The following GNAI1 variants were observed in gnomAD, a reference collection of about 807,000 sequenced individuals.
GNAI1 encodes the protein G protein subunit alpha i1.
A neutral mutation model predicts 38.9 loss-of-function variants in GNAI1; 11 were observed. The observed-to-expected ratio is 0.28, with a 90% CI of 0.18 to 0.47. The LOEUF (loss-of-function observed/expected upper bound fraction) is 0.47. Ranked by LOEUF, GNAI1 falls within the 20% of genes least tolerant of loss-of-function variation. GNAI1 has a pLI of 0.99. For synonymous variants in GNAI1, 166 were observed against 145.1 expected, an observed-to-expected ratio of 1.14 and a Z score of -1.04; for missense variants, 317 against 436.9, an observed-to-expected ratio of 0.73 and a Z score of 2.45.
chr7:80,223,154 T>C lies in GNAI1; in HGVS notation c.*5661T>C, dbSNP rs1354251936. On this transcript the variant is annotated 3_prime_UTR_variant, in exon 8 of 8. Coordinates refer to ENST00000649796, the MANE Select transcript of GNAI1 (RefSeq NM_002069.6). ...AATTGTTAAGTTGGACCATCATACG[T>C]TGGGGACCATCTGTACATAGAGTAG... 1.3e-5 allele frequency among the ~76,000 whole-genome samples: 2 copies of C among 152,190 alleles called. No homozygotes were observed. The highest frequency in any genetic ancestry group is 2.9e-5 in the Non-Finnish European group (2 of 68,022).
rs1283536547 is a variant in GNAI1, at chr7:80,189,215, G to A, written c.287G>A (p.Gly96Asp). 6 of 1,610,304 alleles carry A rather than the reference G, an allele frequency of 3.7e-6. No homozygotes were observed. The East Asian group carries it at 8.9e-5, about 24-fold the overall frequency. ...ATGGGGAGGTTGAAGATAGACTTTG[G>A]TGACTCAGCCCGGGCGGTAAGTTAT... Reference protein sequence around the residue: ...RAMGRLKIDFGDSARADDARQ... With the variant: ...RAMGRLKIDFDDSARADDARQ... The change falls in exon 3 of 8, where the codon GGT becomes GAT. Residue 96 changes from glycine to aspartate, a missense_variant. By Grantham distance (94) the Gly-to-Asp change is moderately conservative (BLOSUM62 -1). This residue lies in a region of GNAI1 where 67 missense variants were observed against 61.5 expected (regional missense o/e 1.09). Transcript: ENST00000649796.
chr7:80,206,018 T>G (rs1017398407), intron 5 of GNAI1, among the ~76,000 whole-genome samples: 5 of 152,054 alleles, frequency 3.3e-5, no homozygotes, highest in African/African-American at 1.2e-4. Flanking sequence ...AAAAAATAAT[T>G]ATCAGTTCAT....
intron 1 of GNAI1, among the ~76,000 whole-genome samples, chr7:80,150,574 G>T (rs1323826782): frequency 2.6e-5 from 4 of 152,186 alleles, no homozygotes; most frequent in Non-Finnish European, 1.5e-5. Context: ...AATTCAGAGT[G>T]CTGGTTACTT....
chr7:80,140,448 G>C (rs1787507031), intron 1 of GNAI1, among the ~76,000 whole-genome samples: 1 of 152,158 alleles, frequency 6.6e-6, no homozygotes, highest in Admixed American at 6.5e-5. Context: ...TTTTTATTTT[G>C]TTACACATGT....
At chr7:80,151,348 A>G (rs562366336) in intron 1 of GNAI1, among the ~76,000 whole-genome samples, 9 of 152,326 alleles carry the variant, frequency 5.9e-5, no homozygotes, top group African/African-American at 2.2e-4. Context: ...CAAAACTATG[A>G]AAACATATAA....
At chr7:80,196,407 C>A (rs773495731) in intron 3 of GNAI1, among the ~76,000 whole-genome samples, 2 of 151,986 alleles carry the variant, frequency 1.3e-5, no homozygotes, top group Non-Finnish European at 2.9e-5. Flanking sequence ...AATCCCTATT[C>A]TTTTTCTACT....
At chr7:80,178,329 G>A (rs1788227885) in intron 1 of GNAI1, among the ~76,000 whole-genome samples, 1 of 152,206 alleles carries the variant, frequency 6.6e-6, no homozygotes, top group Non-Finnish European at 1.5e-5. Context: ...TAAAGCAGTG[G>A]CAGGGTTTTA....
intron 1 of GNAI1, among the ~76,000 whole-genome samples, chr7:80,144,537 C>A (rs1485440795): frequency 6.6e-6 from 1 of 152,162 alleles, no homozygotes. Flanking sequence ...TTAAGACTTA[C>A]ATCTTCAGTT....
chr7:80,160,358 C>A (rs559588018), intron 1 of GNAI1, among the ~76,000 whole-genome samples: 3 of 151,346 alleles, frequency 2.0e-5, no homozygotes, highest in African/African-American at 7.3e-5. Context: ...TTTAATAACT[C>A]GTTTGTGTTT....
intron 1 of GNAI1, among the ~76,000 whole-genome samples, chr7:80,180,531 G>T (rs1008103288): frequency 6.6e-6 from 1 of 152,068 alleles, no homozygotes; most frequent in Non-Finnish European, 1.5e-5. Context: ...GCAGCATGCA[G>T]TGTTTATTTG....
intron 3 of GNAI1, among the ~76,000 whole-genome samples, chr7:80,192,918 C>T (rs540077466): frequency 2.0e-5 from 3 of 151,922 alleles, no homozygotes; most frequent in African/African-American, 4.8e-5. Flanking sequence ...AGGCTGGTCT[C>T]GATCTCCTGA....
rs1371298599 is a variant in GNAI1 at position 80,134,964 on chromosome 7, T to G, written c.-197T>G. ...CGGGCCGGGAAGCAGAGCCTGGTCGTGAGGAACAGCCGCCCGTTGCTGTCT... is the reference window on the plus strand; with the variant it reads ...CGGGCCGGGAAGCAGAGCCTGGTCGGGAGGAACAGCCGCCCGTTGCTGTCT... On this transcript the variant is annotated 5_prime_UTR_variant, in exon 1 of 8. Transcript: ENST00000649796. 2.0e-5 allele frequency: 8 copies of G among 400,934 alleles called. No individual in the cohort carries two copies. In the Admixed American group the frequency reaches 2.7e-4, roughly 13 times the overall value. The allele number at this position is 400,934 out of a possible 1,614,324, so 24.8% of individuals were successfully genotyped here. A position where few individuals can be genotyped will look rare whatever the true frequency, so the allele number is the denominator to read the frequency against.
intron 1 of GNAI1, among the ~76,000 whole-genome samples, chr7:80,155,814 T>C (rs945090133): frequency 1.3e-5 from 2 of 151,842 alleles, no homozygotes; most frequent in Admixed American, 6.6e-5. Flanking sequence ...CCCAGCACTT[T>C]GGGAGGCTGA....
At chr7:80,159,513 G>GT (rs1353970344) in intron 1 of GNAI1, among the ~76,000 whole-genome samples, 6 of 152,096 alleles carry the variant, frequency 3.9e-5, no homozygotes, top group Non-Finnish European at 7.3e-5. Context: ...ATAATTGAAT[G>GT]TAATTATGGG....
At chr7:80,143,819 C>T (rs1787568601) in intron 1 of GNAI1, among the ~76,000 whole-genome samples, 1 of 152,056 alleles carries the variant, frequency 6.6e-6, no homozygotes, top group Admixed American at 6.6e-5. Flanking sequence ...ACTTCAGAGA[C>T]TCTGTGGAAT....
At chr7:80,169,677 C>G (rs1562830548) in intron 1 of GNAI1, among the ~76,000 whole-genome samples, 2 of 152,126 alleles carry the variant, frequency 1.3e-5, no homozygotes, top group African/African-American at 4.8e-5. Flanking sequence ...CTTTTAAAGA[C>G]AGTTTTATTG....
At chr7:80,136,534 T>C (rs1244529158) in intron 1 of GNAI1, among the ~76,000 whole-genome samples, 1 of 152,202 alleles carries the variant, frequency 6.6e-6, no homozygotes, top group Non-Finnish European at 1.5e-5. Flanking sequence ...GAAATAACTT[T>C]GCATTTTAAA....
In GNAI1 at chr7:80,135,080, GGAGA is replaced by G. The variant is rs1035917281; in HGVS notation, c.-76_-73del. ...TCGGGAGGCGTTCGAACGCCCGCTA[GGAGA>G]GAGAAAGGATTCCCCTGTGCTTGGA... On this transcript the variant is annotated 5_prime_UTR_variant, in exon 1 of 8. Coordinates refer to ENST00000649796, the MANE Select transcript of GNAI1 (RefSeq NM_002069.6). 75 of 955,986 alleles carry G rather than the reference GGAGA, an allele frequency of 7.8e-5. No homozygotes were observed. In the African/African-American group the frequency reaches 1.2e-3, roughly 16 times the overall value. 59.2% of individuals were successfully genotyped at this position (955,986 alleles called of 1,614,324 possible). A position where few individuals can be genotyped will look rare whatever the true frequency, so the allele number is the denominator to read the frequency against.
rs1373702615 is a variant in GNAI1 at position 80,221,808 on chromosome 7, A to G, written c.*4315A>G. ...CAGGCATGCGCCACTACACCCAGCTAATTTTTGTATTTTTAGTAAAGGGGG... is the reference window on the plus strand; with the variant it reads ...CAGGCATGCGCCACTACACCCAGCTGATTTTTGTATTTTTAGTAAAGGGGG... On this transcript the variant is annotated 3_prime_UTR_variant, in exon 8 of 8. Transcript: ENST00000649796. Among the ~76,000 whole-genome samples the G allele has an allele frequency of 1.3e-5, 2 of 151,718 alleles. No homozygotes were observed. Among genetic ancestry groups the G allele is most frequent in the African/African-American group, 2.4e-5 (1 of 41,310 alleles).
Sources: gnomAD v4.1 joint callset for allele counts (sites outside exome capture counted in the v4.1 genomes callset) on GRCh38, gnomAD v4.1.1 for gene constraint, gnomAD v4.1.1 regional missense constraint, MANE v1.5 for transcripts, NCBI Gene and HGNC (gene_info 2026-07-23, HGNC 2026-07-21) for gene names.